Variants in LARS1 observed in about 807,000 individuals in gnomAD.
LARS1 encodes leucine--tRNA ligase, cytoplasmic.
In LARS1, 100 loss-of-function variants were observed where a neutral mutation model predicts 162.8. The ratio of observed to expected loss-of-function variants is 0.61; its 90% confidence interval spans 0.52 to 0.73. LARS1 has a LOEUF of 0.73. LARS1 is among the 30% of genes least tolerant of loss of function. The pLI, the probability that LARS1 is intolerant of heterozygous loss-of-function variation, is 0.00. For synonymous variants in LARS1, 457 were observed against 462.8 expected (o/e 0.99, Z 0.16); for missense variants, 1,258 against 1,408.9 (o/e 0.89, Z 1.71).
intron 6 of LARS1, among the ~76,000 whole-genome samples, chr5:146,162,514 T>A (rs1415124644): frequency 6.6e-6 from 1 of 152,194 alleles, no homozygotes; most frequent in African/African-American, 2.4e-5. Context: ...CCAGGCTTTA[T>A]TTTTCCATTT....
intron 23 of LARS1, 75 bp downstream of exon 23, chr5:146,132,823 A>G: frequency 8.8e-7 from 1 of 1,134,140 alleles, no homozygotes; most frequent in Non-Finnish European, 1.3e-6. Flanking sequence ...AAAAGAAAAG[A>G]AAAGAAAAAG....
chr5:146,153,481 C>A (rs548349954), intron 12 of LARS1, among the ~76,000 whole-genome samples: 1 of 152,214 alleles, frequency 6.6e-6, no homozygotes, highest in South Asian at 2.1e-4. Flanking sequence ...CATAGACATA[C>A]ACATATCACT....
chr5:146,130,236 G>GT, intron 24 of LARS1, 78 bp from the exon 25 acceptor site: 1 of 1,368,150 alleles, frequency 7.3e-7, no homozygotes, highest in Non-Finnish European at 1.0e-6. Context: ...CAGTATCTTG[G>GT]TTTTAACACA....
At chr5:146,179,980 C>T (rs1252049857) in intron 1 of LARS1, among the ~76,000 whole-genome samples, 1 of 152,208 alleles carries the variant, frequency 6.6e-6, no homozygotes, top group South Asian at 2.1e-4. Context: ...GATCTTAAGA[C>T]ATTTATGCAG....
intron 20 of LARS1, 77 bp from the exon 21 acceptor site, chr5:146,140,338 G>T: frequency 9.1e-7 from 1 of 1,099,756 alleles, no homozygotes; most frequent in Non-Finnish European, 1.4e-6. Flanking sequence ...TGAGGTAAAA[G>T]CTAATAGACT....
intron 10 of LARS1, among the ~76,000 whole-genome samples, chr5:146,155,152 C>T (rs1020666780): frequency 3.3e-5 from 5 of 151,796 alleles, no homozygotes; most frequent in Admixed American, 1.3e-4. Context: ...GTGCCCGTCC[C>T]GGAAAAATAA....
intron 21 of LARS1, chr5:146,138,821 A>G: frequency 4.4e-6 from 1 of 229,046 alleles, no homozygotes; most frequent in Non-Finnish European, 9.6e-6. Context: ...GAGATGTGCT[A>G]TGTATACAAA....
In LARS1 at chr5:146,172,739, T is replaced by C; in HGVS notation, c.161A>G (p.Tyr54Cys). The change falls in exon 3 of 32, where the codon TAT becomes TGT. Residue 54 changes from tyrosine (Y) to cysteine (C), a missense_variant. By Grantham distance (194) the Tyr-to-Cys change is radical. Coordinates refer to ENST00000394434, the MANE Select transcript of LARS1 (RefSeq NM_020117.11). ...GKYFVTFPYP[Y>C]MNGRLHLGHT... The stretch of plus-strand genomic sequence containing the variant: ...TCCCAAATGAAGGCGTCCATTCATA[T>C]ATGGATATGGGAAGGTTACAAAATA... 2 of 1,582,112 alleles carry C rather than the reference T, an allele frequency of 1.3e-6. No individual in the cohort carries two copies. Among genetic ancestry groups the C allele is most frequent in the Non-Finnish European group, 8.6e-7 (1 of 1,165,212 alleles).
chr5:146,128,733 A>T lies in LARS1; in HGVS notation c.2819T>A (p.Val940Glu), dbSNP rs763905708. 6.2e-7 allele frequency: 1 copy of T among 1,601,550 alleles called. No individual in the cohort carries two copies. Among genetic ancestry groups the T allele is most frequent in the Non-Finnish European group, 8.5e-7 (1 of 1,176,736 alleles). ...TTGCCAAGGTGGATAGTTCTTTGCC[A>T]CATAGATGGTGCAATGTGAGGGCTT... is the stretch of plus-strand genomic sequence containing the variant. ...LQKPSHCTIY[V>E]AKNYPPWQHT... The change falls in exon 27 of 32, where the codon GTG becomes GAG. Residue 940 changes from valine (V) to glutamate (E), a missense_variant. Physicochemically the swap from Val to Glu is moderately radical, Grantham distance 121. Transcript: ENST00000394434.
At position 146,123,988 on chromosome 5, in the gene LARS1, C is replaced by T. The variant is rs199688556; in HGVS notation, c.3090G>A (p.Ser1030=). The change falls in exon 29 of 32, where the codon TCG becomes TCA. Residue 1030 remains serine (S), a synonymous_variant. Transcript: ENST00000394434. ...CAATCCCTGGCCCTCTTACCTCAAG[C>T]GAATTAGTCAGATAGACTATATTCT... ...LMENIVYLTN[S]LELEHIEVKF... 3.9e-4 allele frequency: 616 copies of T among 1,584,382 alleles called. 6 individuals carry two copies. The South Asian group carries it at 5.0e-3, about 13-fold the overall frequency.
intron 8 of LARS1, among the ~76,000 whole-genome samples, chr5:146,158,448 A>G (rs2939537): frequency 0.97 from 147,412 of 152,312 alleles, 71,522 homozygotes; most frequent in East Asian, 1. Context: ...TGGTAATAAA[A>G]AATGATGCAA....
At chr5:146,158,892 C>T (rs1286555323) in intron 8 of LARS1, among the ~76,000 whole-genome samples, 7 of 152,046 alleles carry the variant, frequency 4.6e-5, no homozygotes, top group East Asian at 1.9e-4. Flanking sequence ...GTCAGGAGAT[C>T]GAGACCATCC....
chr5:146,134,092 C>T (rs1422613646), intron 22 of LARS1, among the ~76,000 whole-genome samples: 1 of 152,146 alleles, frequency 6.6e-6, no homozygotes, highest in African/African-American at 2.4e-5. Flanking sequence ...AAACTGCCCA[C>T]CTCAGCCTCC....
At chr5:146,128,845 C>A (rs1298348759) in intron 26 of LARS1, 63 bp from the exon 27 acceptor site, 3 of 1,475,596 alleles carry the variant, frequency 2.0e-6, no homozygotes, top group Non-Finnish European at 2.8e-6. Context: ...ATGAGAAGAA[C>A]CCTCCCCCAA....
chr5:146,115,570 T>C (rs11948017), intron 31 of LARS1, among the ~76,000 whole-genome samples: 4,335 of 31,850 alleles, frequency 0.14, 263 homozygotes, highest in African/African-American at 0.37. Flanking sequence ...GCTGAAAAAA[T>C]AGCGCCTGAC....
Position 146,140,225 on chromosome 5 carries a change from A to G in LARS1, c.2127T>C (p.His709=). The G allele has an allele frequency of 1.2e-6, 2 of 1,612,170 alleles. No individual in the cohort carries two copies. Among genetic ancestry groups the G allele is most frequent in the South Asian group, 2.2e-5 (2 of 91,072 alleles). Residue 709 remains histidine (H), a synonymous_variant, in exon 21 of 32, where the codon CAT becomes CAC. Coordinates refer to ENST00000394434, the MANE Select transcript of LARS1 (RefSeq NM_020117.11). ...TTACCTTCTCAGAGTTCAGGAGGAG[A>G]TGTCCATTTGCTCTCACAGCTGTAG... ...KWPTAVRANG[H]LLLNSEKMSK...
chr5:146,179,658 G>T (rs187965991), intron 1 of LARS1: 12 of 439,162 alleles, frequency 2.7e-5, no homozygotes, highest in African/African-American at 2.2e-4. Flanking sequence ...GAGCATAATG[G>T]TGCAAGCACC....
intron 21 of LARS1, among the ~76,000 whole-genome samples, chr5:146,139,243 T>C (rs1752650202): frequency 6.7e-6 from 1 of 150,118 alleles, no homozygotes; most frequent in Non-Finnish European, 1.5e-5. Flanking sequence ...CTCAGGAGGC[T>C]GAGGCAAGAG....
intron 6 of LARS1, among the ~76,000 whole-genome samples, chr5:146,162,717 T>C (rs894525452): frequency 7.9e-5 from 12 of 152,266 alleles, no homozygotes; most frequent in Non-Finnish European, 1.3e-4. Flanking sequence ...AGAGGAAAGC[T>C]GTTTTGTCTA....
Sources: allele counts gnomAD v4.1 joint callset (sites outside exome capture counted in the v4.1 genomes callset), GRCh38; gene constraint gnomAD v4.1.1; transcripts MANE v1.5; gene names NCBI Gene and HGNC (gene_info 2026-07-23, HGNC 2026-07-21).